The following MRPS5 variants were observed in gnomAD, a reference collection of about 807,000 sequenced individuals.
MRPS5 encodes the protein small ribosomal subunit protein uS5m.
Under a neutral mutation model 51.9 loss-of-function variants are expected in MRPS5, and 27 were observed. That is an observed-to-expected ratio of 0.52 (90% confidence interval 0.38 to 0.72). MRPS5 has a LOEUF of 0.72. MRPS5 is among the 30% of genes least tolerant of loss of function. The pLI is 0.00. For missense variants in MRPS5, 570 were observed against 545.7 expected, an observed-to-expected ratio of 1.04 and a Z score of -0.44; for synonymous variants, 196 against 193.2, an observed-to-expected ratio of 1.01 and a Z score of -0.12.
chr2:95,106,084 GACTGCTAGAT>G (rs1353380804), intron 6 of MRPS5, among the ~76,000 whole-genome samples: 1 of 152,146 alleles, frequency 6.6e-6, no homozygotes, highest in Middle Eastern at 3.2e-3. Context: ...TCCCTGCATA[GACTGCTAGAT>G]ACAGCTGGTT....
In MRPS5 at chr2:95,121,765, G is replaced by T; in HGVS notation, c.27C>A (p.Gly9=). 1.3e-6 allele frequency: 2 copies of T among 1,553,092 alleles called. No homozygotes were observed. Among genetic ancestry groups the T allele is most frequent in the East Asian group, 2.5e-5 (1 of 40,794 alleles). The part of the protein sequence containing the change: MATAVRAV[G]CLPVLCSGTA... The stretch of plus-strand genomic sequence containing the variant: ...TCCCGCTACACAGCACGGGGAGGCA[G>T]CCCACAGCGCGCACCGCGGTCGCCA... Residue 9 remains glycine (G), a synonymous_variant, in exon 1 of 12, where the codon GGC becomes GGA. Transcript: ENST00000272418.
intron 10 of MRPS5, chr2:95,093,449 C>A (rs1223534577): frequency 6.6e-6 from 1 of 152,250 alleles, no homozygotes; most frequent in Non-Finnish European, 1.5e-5. Context: ...GGAGACACCT[C>A]CCACTAGGGA....
In MRPS5 at chr2:95,099,100, A is replaced by G. The variant is rs1467602469; in HGVS notation, c.931+1374T>C. ...CGCCCAGCTAATTTTTTGTATTTTTAGTAGAGATGGGGTTTCACCATGTCA... is the reference window on the plus strand; with the variant it reads ...CGCCCAGCTAATTTTTTGTATTTTTGGTAGAGATGGGGTTTCACCATGTCA... On this transcript the variant is annotated intron_variant, in intron 10 of 11. Coordinates refer to ENST00000272418, the MANE Select transcript of MRPS5 (RefSeq NM_031902.5). Among the ~76,000 whole-genome samples the G allele has an allele frequency of 6.6e-5, 10 of 151,778 alleles. No individual in the cohort carries two copies. In the East Asian group the frequency reaches 1.7e-3, roughly 27 times the overall value.
At position 95,115,078 on chromosome 2, in the gene MRPS5, A is replaced by AACT; in HGVS notation, c.262_264dup (p.Ser88dup). The AACT allele has an allele frequency of 6.4e-7, 1 of 1,563,834 alleles. No individual in the cohort carries two copies. Among genetic ancestry groups the AACT allele is most frequent in the South Asian group, 1.2e-5 (1 of 82,634 alleles). ...CCATTCTACATACATTTAGTGAAGA[A>AACT]ACTATATGGTCTATACTGCTGGCTC... On this transcript the variant is annotated inframe_insertion, in exon 3 of 12. Transcript: ENST00000272418.
intron 9 of MRPS5, 69 bp from the exon 10 acceptor site, chr2:95,100,605 A>C: frequency 1.6e-6 from 2 of 1,219,618 alleles, no homozygotes; most frequent in Non-Finnish European, 2.4e-6. Flanking sequence ...CAAATATCAC[A>C]AAGCAATGTA....
At chr2:95,104,571 A>G in intron 7 of MRPS5, 69 bp downstream of exon 7, 3 of 1,533,748 alleles carry the variant, frequency 2.0e-6, no homozygotes, top group African/African-American at 2.7e-5. Flanking sequence ...CATGGGCTCC[A>G]CAGCATGGCC....
intron 2 of MRPS5, 80 bp from the exon 3 acceptor site, chr2:95,115,283 TAACAA>T (rs1676253737): frequency 2.1e-5 from 27 of 1,261,562 alleles, no homozygotes; most frequent in Non-Finnish European, 2.8e-5. Flanking sequence ...TAATCATTAC[TAACAA>T]AAATAAGTCA....
At position 95,110,038 on chromosome 2, in the gene MRPS5, G is replaced by A. The variant is rs1475198302; in HGVS notation, c.281C>T (p.Thr94Ile). The change falls in exon 4 of 12, where the codon ACT (threonine) becomes ATT (isoleucine). Residue 94 changes from threonine (T) to isoleucine (I), a missense_variant. Thr to Ile is a moderately conservative substitution (Grantham distance 89). Coordinates refer to ENST00000272418, the MANE Select transcript of MRPS5 (RefSeq NM_031902.5). ...YRPYSFFTKL[T>I]ADELWKGALA... ...AGCGCCTTTCCACAGCTCATCTGCA[G>A]TCACTGTAACGAAACAGGGTTTCTT... 1.2e-6 allele frequency: 2 copies of A among 1,609,732 alleles called. No individual in the cohort carries two copies. Among genetic ancestry groups the A allele is most frequent in the Non-Finnish European group, 1.7e-6 (2 of 1,179,080 alleles).
chr2:95,107,200 T>G (rs1675975305), intron 5 of MRPS5, among the ~76,000 whole-genome samples: 1 of 152,190 alleles, frequency 6.6e-6, no homozygotes, highest in Non-Finnish European at 1.5e-5. Flanking sequence ...TCTGCTCAAC[T>G]CTCACTACAT....
intron 10 of MRPS5, chr2:95,092,545 A>G (rs1675498729): frequency 6.6e-6 from 1 of 152,210 alleles, no homozygotes; most frequent in East Asian, 1.9e-4. Context: ...ATGTCTATAA[A>G]TGTGTATGTA....
At chr2:95,095,635 T>TA (rs1675604482) in intron 10 of MRPS5, among the ~76,000 whole-genome samples, 1 of 152,102 alleles carries the variant, frequency 6.6e-6, no homozygotes, top group Admixed American at 6.5e-5. Context: ...AAGGCAGAAA[T>TA]AAAGATGTTC....
At chr2:95,110,310 A>C (rs1258265080) in intron 3 of MRPS5, among the ~76,000 whole-genome samples, 1 of 152,248 alleles carries the variant, frequency 6.6e-6, no homozygotes, top group Non-Finnish European at 1.5e-5. Context: ...CCAGCATTCA[A>C]ATCTCAGTTA....
upstream of MRPS5, chr2:95,121,981 C>A: frequency 3.3e-6 from 2 of 609,888 alleles, no homozygotes; most frequent in Non-Finnish European, 5.1e-6. Context: ...CCGGCGCGAC[C>A]GCGGACAGCC....
At position 95,114,688 on chromosome 2, in the gene MRPS5, T is replaced by C. The variant is rs201095560; in HGVS notation, c.277+378A>G. 1.6e-3 allele frequency among the ~76,000 whole-genome samples: 248 copies of C among 152,366 alleles called. 1 individual carries two copies. Among genetic ancestry groups the C allele is most frequent in the African/African-American group, 5.8e-3 (241 of 41,584 alleles). On this transcript the variant is annotated intron_variant, in intron 3 of 11. Coordinates refer to ENST00000272418, the MANE Select transcript of MRPS5 (RefSeq NM_031902.5). ...TTTTAAATGCTATCACAAATAAGAC[T>C]AGTGTTAGTGAACAATATCTCCTTA... is the stretch of plus-strand genomic sequence containing the variant.
At chr2:95,099,342 T>C (rs1459156357) in intron 10 of MRPS5, among the ~76,000 whole-genome samples, 1 of 152,064 alleles carries the variant, frequency 6.6e-6, no homozygotes, top group Non-Finnish European at 1.5e-5. Flanking sequence ...GCAGAAGCCA[T>C]ATATATAATT....
At chr2:95,107,283 T>C (rs770542171) in intron 5 of MRPS5, among the ~76,000 whole-genome samples, 4 of 152,194 alleles carry the variant, frequency 2.6e-5, no homozygotes, top group Non-Finnish European at 5.9e-5. Context: ...TAATCATCAA[T>C]GTCCCCATCT....
Position 95,101,723 on chromosome 2 carries a change from C to G in MRPS5, c.764G>C (p.Gly255Ala), listed in dbSNP as rs199914429. 2 of 1,594,382 alleles carry G rather than the reference C, an allele frequency of 1.3e-6. No homozygotes were observed. The highest frequency in any genetic ancestry group is 4.5e-5 in the East Asian group (2 of 44,670). Residue 255 changes from glycine to alanine, a missense_variant and splice_region_variant, in exon 8 of 12, where the codon GGT (glycine) becomes GCT (alanine). Coordinates refer to ENST00000272418, the MANE Select transcript of MRPS5 (RefSeq NM_031902.5). ...ATCAGTAGCTTTCCCAATAGAAAAA[C>G]CTTTAAACAAAAAAGCAAAAATAAG... ...VAVGNGKGAA[G>A]FSIGKATDRM...
intron 11 of MRPS5, 103 bp from the exon 12 acceptor site, chr2:95,087,684 A>G (rs1268900930): frequency 1.0e-6 from 1 of 954,426 alleles, no homozygotes; most frequent in African/African-American, 1.7e-5. Context: ...GGGGTATTCA[A>G]AGGCCATTTC....
rs536039800 is a variant in MRPS5, at chr2:95,108,811, C to T, written c.404-403G>A. Among the ~76,000 whole-genome samples, 6 of 152,160 alleles carry T rather than the reference C, an allele frequency of 3.9e-5. No individual in the cohort carries two copies. In the South Asian group the frequency reaches 1.2e-3, roughly 32 times the overall value. The stretch of plus-strand genomic sequence containing the variant: ...TCTGATGTGGAATGATTTCCAAGAC[C>T]TATTATTGAGTGAAAAAAGTAAACT... On this transcript the variant is annotated intron_variant, in intron 4 of 11. Coordinates refer to ENST00000272418, the MANE Select transcript of MRPS5 (RefSeq NM_031902.5).
Sources: gnomAD v4.1 joint callset for allele counts (sites outside exome capture counted in the v4.1 genomes callset) on GRCh38, gnomAD v4.1.1 for gene constraint, MANE v1.5 for transcripts, NCBI Gene and HGNC (gene_info 2026-07-23, HGNC 2026-07-21) for gene names.